Variants in PIK3C2A observed in about 807,000 individuals in gnomAD.
The protein encoded by PIK3C2A is phosphatidylinositol 4-phosphate 3-kinase C2 domain-containing subunit alpha.
Under a neutral mutation model 204.5 loss-of-function variants are expected in PIK3C2A, and 97 were observed. The ratio of observed to expected loss-of-function variants is 0.47; its 90% confidence interval spans 0.40 to 0.56. The LOEUF (loss-of-function observed/expected upper bound fraction) is 0.56. Among genes scored for constraint, PIK3C2A ranks in the 20% least tolerant of loss-of-function variants. The pLI is 0.00. For synonymous variants in PIK3C2A, 653 were observed against 664.4 expected (o/e 0.98, Z 0.26); for missense variants, 1,735 against 1,969.2 (o/e 0.88, Z 2.25).
chr11:17,176,900 A>C (rs1851357415), intron 1 of PIK3C2A, among the ~76,000 whole-genome samples: 1 of 152,238 alleles, frequency 6.6e-6, no homozygotes, highest in African/African-American at 2.4e-5. Flanking sequence ...ATGTATAGAG[A>C]TATATAGATA....
chr11:17,132,318 T>A (rs1242955957), intron 11 of PIK3C2A, among the ~76,000 whole-genome samples: 3 of 81,986 alleles, frequency 3.7e-5, no homozygotes, highest in African/African-American at 9.6e-5. Context: ...AACTTTAATT[T>A]TTTTTTTTTT....
rs146134726 is a variant in PIK3C2A at position 17,089,753 on chromosome 11, C to T, written c.5046G>A (p.Ala1682=). The T allele has an allele frequency of 1.7e-4, 270 of 1,612,154 alleles. No homozygotes were observed. The highest frequency in any genetic ancestry group is 2.1e-4 in the Non-Finnish European group (245 of 1,178,830). ...ATTCACTAGTTTACAAGTATGTTGC[C>T]GCAGTCAGCTGATACCATTTAACCG... ...KETVKWYQLT[A]ATYL Residue 1682 remains alanine (A), a synonymous_variant, in exon 33 of 33, where the codon GCG becomes GCA. Transcript: ENST00000691414.
Position 17,092,194 on chromosome 11 carries a change from G to A in PIK3C2A, c.4534C>T (p.Gln1512Ter), listed in dbSNP as rs1848330715. ...TCCGTTGAAGCATTCATCAAACTCT[G>A]TAAGTAACTGTTTAACTCAATTTTC... ...KRKIELNSYL[Q>*]SLMNASTDVA... The change falls in exon 29 of 33, where the codon CAG becomes TAG. Residue 1512 changes from glutamine (Q) to a stop codon, truncating the protein, a stop_gained. Coordinates refer to ENST00000691414, the MANE Select transcript of PIK3C2A (RefSeq NM_002645.4). LOFTEE classifies it high-confidence loss of function. 6.2e-7 allele frequency: 1 copy of A among 1,603,876 alleles called. No individual in the cohort carries two copies. The highest frequency in any genetic ancestry group is 8.5e-7 in the Non-Finnish European group (1 of 1,170,834).
rs188848600 is a variant in PIK3C2A at position 17,201,444 on chromosome 11, T to G, written c.-66+6404A>C. On this transcript the variant is annotated intron_variant, in intron 1 of 32. Coordinates refer to ENST00000691414, the MANE Select transcript of PIK3C2A (RefSeq NM_002645.4). ...TGAGAAGCTGAGGCAGGAGAATCACTTGAGCCTGGGAGGCAGAGGTTGCAG... is the reference window on the plus strand; with the variant it reads ...TGAGAAGCTGAGGCAGGAGAATCACGTGAGCCTGGGAGGCAGAGGTTGCAG... 7.7e-3 allele frequency among the ~76,000 whole-genome samples: 1,133 copies of G among 147,506 alleles called. 10 individuals are homozygous for G. Among genetic ancestry groups the G allele is most frequent in the Non-Finnish European group, 0.011 (750 of 67,572 alleles).
At chr11:17,161,112 TGTAAA>T (rs1850762693) in intron 2 of PIK3C2A, among the ~76,000 whole-genome samples, 1 of 152,200 alleles carries the variant, frequency 6.6e-6, no homozygotes, top group African/African-American at 2.4e-5. Flanking sequence ...ATTAATACTC[TGTAAA>T]GTAGTTACAA....
chr11:17,199,483 T>C (rs1158299547), intron 1 of PIK3C2A, among the ~76,000 whole-genome samples: 1 of 152,210 alleles, frequency 6.6e-6, no homozygotes, highest in Non-Finnish European at 1.5e-5. Flanking sequence ...TGAATTAATA[T>C]ACAAAATGTG....
At chr11:17,193,629 C>T (rs767535127) in intron 1 of PIK3C2A, 54 of 290,274 alleles carry the variant, frequency 1.9e-4, no homozygotes, top group Admixed American at 9.1e-4. Context: ...GGGTGGATCA[C>T]GAGGTCAAGA....
intron 1 of PIK3C2A, among the ~76,000 whole-genome samples, chr11:17,194,860 G>C (rs989880575): frequency 1.3e-5 from 2 of 150,142 alleles, no homozygotes; most frequent in African/African-American, 2.5e-5. Context: ...AGTGAGCCGA[G>C]ACTGCGACAT....
chr11:17,117,712 T>TC (rs1329997621), intron 18 of PIK3C2A, 41 bp from the exon 19 acceptor site: 1 of 995,176 alleles, frequency 1.0e-6, no homozygotes, highest in East Asian at 2.8e-5. Flanking sequence ...GTCTTGGTTT[T>TC]TTTTTTTTTT....
chr11:17,155,124 T>G (rs917481752), intron 3 of PIK3C2A, among the ~76,000 whole-genome samples: 1 of 152,212 alleles, frequency 6.6e-6, no homozygotes, highest in Non-Finnish European at 1.5e-5. Flanking sequence ...AGAAAATATA[T>G]TTGCTCTTCT....
intron 3 of PIK3C2A, 28 bp downstream of exon 3, chr11:17,155,498 T>C (rs1239387151): frequency 6.2e-6 from 8 of 1,299,442 alleles, no homozygotes; most frequent in Non-Finnish European, 8.8e-6. Flanking sequence ...ATTTTTCAAA[T>C]GAACATTTAT....
intron 12 of PIK3C2A, among the ~76,000 whole-genome samples, chr11:17,131,302 T>C (rs561423406): frequency 6.6e-6 from 1 of 152,344 alleles, no homozygotes; most frequent in African/African-American, 2.4e-5. Context: ...AAATACCGTC[T>C]TTCTATAACT....
intron 12 of PIK3C2A, among the ~76,000 whole-genome samples, chr11:17,130,527 G>A (rs1473392129): frequency 2.0e-5 from 3 of 152,110 alleles, no homozygotes; most frequent in African/African-American, 4.8e-5. Flanking sequence ...ATTTTAGGCC[G>A]GGCACAGTGG....
Position 17,178,830 on chromosome 11 carries a change from C to T in PIK3C2A, c.-65-9024G>A, listed in dbSNP as rs548651896. On this transcript the variant is annotated intron_variant, in intron 1 of 32. Coordinates refer to ENST00000691414, the MANE Select transcript of PIK3C2A (RefSeq NM_002645.4). ...CTGCAAGCTCCGCTTCCCGGGTTCA[C>T]GCCATTCTCCTGCCTCAGCCTCCCG... Among the ~76,000 whole-genome samples, 207 of 149,736 alleles carry T rather than the reference C, an allele frequency of 1.4e-3. 1 individual carries two copies. Among genetic ancestry groups the T allele is most frequent in the Non-Finnish European group, 2.4e-3 (165 of 67,564 alleles).
At chr11:17,090,806 C>T (rs1162743178) in intron 32 of PIK3C2A, among the ~76,000 whole-genome samples, 1 of 151,848 alleles carries the variant, frequency 6.6e-6, no homozygotes, top group Non-Finnish European at 1.5e-5. Flanking sequence ...GTGGCATGAT[C>T]ATGACTCACT....
chr11:17,100,320 T>A (rs1055228204), intron 25 of PIK3C2A, among the ~76,000 whole-genome samples: 1 of 148,968 alleles, frequency 6.7e-6, no homozygotes, highest in African/African-American at 2.5e-5. Context: ...TTCAAGCAAT[T>A]CTCCTGCCTC....
At chr11:17,179,843 G>A (rs979458371) in intron 1 of PIK3C2A, among the ~76,000 whole-genome samples, 1 of 151,880 alleles carries the variant, frequency 6.6e-6, no homozygotes, top group Admixed American at 6.6e-5. Context: ...CGAACTCCTA[G>A]CCCTACGTGA....
intron 1 of PIK3C2A, among the ~76,000 whole-genome samples, chr11:17,179,334 A>C (rs1169995014): frequency 1.3e-5 from 2 of 151,086 alleles, no homozygotes; most frequent in African/African-American, 4.9e-5. Flanking sequence ...ACTAATTTTT[A>C]AATTTTTTAT....
chr11:17,136,546 G>GC lies in PIK3C2A; in HGVS notation c.1783dup (p.Ala595GlyfsTer14). 1 of 1,601,860 alleles carries GC rather than the reference G, an allele frequency of 6.2e-7. No individual in the cohort carries two copies. The highest frequency in any genetic ancestry group is 8.6e-7 in the Non-Finnish European group (1 of 1,169,102). ...TAGCTTCTTTACTGATTCTGTAATG[G>GC]CAAGAGTCTCGACACCATCTAAAGC... On this transcript the variant is annotated frameshift_variant, in exon 9 of 33. Transcript: ENST00000691414. LOFTEE classifies it high-confidence loss of function.
Sources: gnomAD v4.1 joint callset for allele counts (sites outside exome capture counted in the v4.1 genomes callset) on GRCh38, gnomAD v4.1.1 for gene constraint, MANE v1.5 for transcripts, NCBI Gene and HGNC (gene_info 2026-07-23, HGNC 2026-07-21) for gene names.